The following ATOSA variants were observed in gnomAD, a reference collection of about 807,000 sequenced individuals.
The protein encoded by ATOSA is atos homolog A.
chr15:52,663,970 A>G, the ATOSA span, among the ~76,000 whole-genome samples: 1 of 152,208 alleles, frequency 6.6e-6, no homozygotes, highest in African/African-American at 2.4e-5. Context: ...TGAATGCCAC[A>G]AAAATTCAAA....
the ATOSA span, among the ~76,000 whole-genome samples, chr15:52,664,118 T>A: frequency 6.6e-6 from 1 of 152,212 alleles, no homozygotes; most frequent in Non-Finnish European, 1.5e-5. Flanking sequence ...AGAAGGCCAC[T>A]CTGCCTTGTG....
At chr15:52,620,465 C>G in the ATOSA span, among the ~76,000 whole-genome samples, 1 of 152,176 alleles carries the variant, frequency 6.6e-6, no homozygotes, top group Non-Finnish European at 1.5e-5. Flanking sequence ...GCAAACAAAG[C>G]AGGATGGCTC....
chr15:52,602,737 T>C, the ATOSA span, among the ~76,000 whole-genome samples: 1 of 152,300 alleles, frequency 6.6e-6, no homozygotes, highest in South Asian at 2.1e-4. Flanking sequence ...GGATACATTT[T>C]CCCCCTCTCT....
chr15:52,673,610 A>G, the ATOSA span, among the ~76,000 whole-genome samples: 1 of 152,344 alleles, frequency 6.6e-6, no homozygotes, highest in Non-Finnish European at 1.5e-5. Context: ...GTTGCTACTC[A>G]TACTATCATG....
the ATOSA span, among the ~76,000 whole-genome samples, chr15:52,696,254 G>A: frequency 6.6e-6 from 1 of 151,898 alleles, no homozygotes; most frequent in Non-Finnish European, 1.5e-5. Context: ...AACTCCTCTA[G>A]CCATTCCTCT....
chr15:52,584,700 A>C, the ATOSA span: 1 of 1,529,092 alleles, frequency 6.5e-7, no homozygotes, highest in Non-Finnish European at 8.9e-7. Context: ...TAAAAATTTT[A>C]GAGTTGTTCT....
the ATOSA span, among the ~76,000 whole-genome samples, chr15:52,665,492 C>G: frequency 1.3e-5 from 2 of 151,816 alleles, no homozygotes; most frequent in Admixed American, 6.6e-5. Flanking sequence ...ACAAGAGTGT[C>G]AAGTAGGGGA....
At chr15:52,599,794 C>T in the ATOSA span, among the ~76,000 whole-genome samples, 9 of 152,032 alleles carry the variant, frequency 5.9e-5, no homozygotes, top group African/African-American at 2.2e-4. Flanking sequence ...TGCTATTAGC[C>T]CACCACTATT....
At chr15:52,705,117 A>G in the ATOSA span, among the ~76,000 whole-genome samples, 3 of 152,234 alleles carry the variant, frequency 2.0e-5, no homozygotes, top group East Asian at 1.9e-4. Context: ...ATGTCCATCA[A>G]TAATAGACTG....
At chr15:52,586,575 A>C in the ATOSA span, 2 of 152,544 alleles carry the variant, frequency 1.3e-5, no homozygotes, top group South Asian at 2.1e-4. Flanking sequence ...ATATCAGATT[A>C]TTCTTCTGAG....
At chr15:52,628,824 G>T in the ATOSA span, among the ~76,000 whole-genome samples, 4,030 of 152,236 alleles carry the variant, frequency 0.026, 70 homozygotes, top group Non-Finnish European at 0.039. Context: ...TTTAATAATA[G>T]TACAATTGAT....
the ATOSA span, among the ~76,000 whole-genome samples, chr15:52,655,738 C>T: frequency 1.3e-5 from 2 of 152,088 alleles, no homozygotes; most frequent in Non-Finnish European, 2.9e-5. Context: ...GTAGTGTAAA[C>T]ACGCTTGTAC....
chr15:52,628,990 A>G, the ATOSA span, among the ~76,000 whole-genome samples: 1 of 152,174 alleles, frequency 6.6e-6, no homozygotes, highest in East Asian at 1.9e-4. Context: ...TTCCCAGAAG[A>G]CTAAAATTAG....
chr15:52,613,864 T>C, the ATOSA span: 40 of 1,611,664 alleles, frequency 2.5e-5, no homozygotes, highest in South Asian at 3.4e-4. Flanking sequence ...GTATCTGATA[T>C]AAAAAAGGGG....
the ATOSA span, among the ~76,000 whole-genome samples, chr15:52,671,644 T>C: frequency 6.6e-6 from 1 of 152,028 alleles, no homozygotes; most frequent in African/African-American, 2.4e-5. Context: ...AGACAAAGAA[T>C]AACAAGGGAC....
chr15:52,647,977 T>C, the ATOSA span, among the ~76,000 whole-genome samples: 1 of 152,186 alleles, frequency 6.6e-6, no homozygotes, highest in Non-Finnish European at 1.5e-5. Context: ...GGCTTTCCAG[T>C]TAATGAAGTA....
the ATOSA span, among the ~76,000 whole-genome samples, chr15:52,690,840 A>C: frequency 6.6e-6 from 1 of 152,242 alleles, no homozygotes; most frequent in East Asian, 1.9e-4. Flanking sequence ...AACAGACTGA[A>C]AATAAAGATA....
chr15:52,688,004 TC>T, the ATOSA span, among the ~76,000 whole-genome samples: 2 of 152,212 alleles, frequency 1.3e-5, no homozygotes, highest in Non-Finnish European at 2.9e-5. Context: ...AACCTGCTGT[TC>T]CCAGGAGGAT....
the ATOSA span, among the ~76,000 whole-genome samples, chr15:52,583,401 AT>A: frequency 6.6e-6 from 1 of 152,024 alleles, no homozygotes; most frequent in Non-Finnish European, 1.5e-5. Flanking sequence ...TCATTCATTC[AT>A]TCATTCATTC....
Sources: gnomAD v4.1 joint callset for allele counts (sites outside exome capture counted in the v4.1 genomes callset) on GRCh38, gnomAD v4.1.1 for gene constraint, MANE v1.5 for transcripts, NCBI Gene and HGNC (gene_info 2026-07-23, HGNC 2026-07-21) for gene names.